The following BZW2 variants were observed in gnomAD, a reference collection of about 807,000 sequenced individuals.
The protein encoded by BZW2 is eIF5-mimic protein 1.
In BZW2, 23 loss-of-function variants were observed where a neutral mutation model predicts 53.2. The ratio of observed to expected loss-of-function variants is 0.43; its 90% CI spans 0.31 to 0.61. The LOEUF (loss-of-function observed/expected upper bound fraction) is 0.61. Among genes scored for constraint, BZW2 ranks in the 20% least tolerant of loss-of-function variants. BZW2 has a pLI of 0.09. For missense variants in BZW2, 409 were observed against 503.1 expected (o/e 0.81, Z 1.79); for synonymous variants, 227 against 186.4 (o/e 1.22, Z -1.77).
chr7:16,698,400 C>T, intron 10 of BZW2: 1 of 494,264 alleles, frequency 2.0e-6, no homozygotes, highest in Non-Finnish European at 3.5e-6. Context: ...TGCTTAGGCC[C>T]CTGGGCACTT....
In BZW2 at chr7:16,685,639, A is replaced by T. The variant is rs1235967524; in HGVS notation, c.406-266A>T. ...CCATCTGTTTACATATCATCCAAAT[A>T]TCTCTTTTCCTTTCCATGAATGTTA... On this transcript the variant is annotated intron_variant, in intron 5 of 11. Coordinates refer to ENST00000258761, the MANE Select transcript of BZW2 (RefSeq NM_014038.3). Among the ~76,000 whole-genome samples the T allele has an allele frequency of 2.0e-5, 3 of 152,186 alleles. 1 individual carries two copies. The South Asian group carries it at 6.2e-4, about 31-fold the overall frequency.
At chr7:16,698,402 TG>T (rs1783570693) in intron 10 of BZW2, 3 of 485,044 alleles carry the variant, frequency 6.2e-6, no homozygotes, top group Non-Finnish European at 7.3e-6. Flanking sequence ...CTTAGGCCCC[TG>T]GGCACTTCTC....
chr7:16,652,505 TTC>T lies in BZW2; in HGVS notation c.-8+6221_-8+6222del, dbSNP rs201915494. Among the ~76,000 whole-genome samples, 654 of 152,252 alleles carry T rather than the reference TTC, an allele frequency of 4.3e-3. 2 individuals are homozygous for T. The highest frequency in any genetic ancestry group is 0.014 in the Middle Eastern group (4 of 294). ...ATTTGGCAAACAAATAAATGAATGA[TTC>T]TCTGTAGGTTTAAACCTTTTTCTTT... On this transcript the variant is annotated intron_variant, in intron 1 of 11. Coordinates refer to ENST00000258761, the MANE Select transcript of BZW2 (RefSeq NM_014038.3).
At chr7:16,697,657 G>C (rs1255196583) in intron 9 of BZW2, among the ~76,000 whole-genome samples, 1 of 152,184 alleles carries the variant, frequency 6.6e-6, no homozygotes, top group Non-Finnish European at 1.5e-5. Flanking sequence ...TTTTATCCCA[G>C]CAGCTCATCA....
chr7:16,675,805 C>T (rs989385986), intron 3 of BZW2, among the ~76,000 whole-genome samples: 4 of 152,244 alleles, frequency 2.6e-5, no homozygotes, highest in South Asian at 2.1e-4. Context: ...AGCAGCCGGG[C>T]GTGGTGGCTC....
In BZW2 at chr7:16,682,806, T is replaced by A. The variant is rs924061103; in HGVS notation, c.366T>A (p.Tyr122Ter). Residue 122 changes from tyrosine (Y) to a stop codon, truncating the protein, a stop_gained, in exon 5 of 12, where the codon TAT becomes TAA. Coordinates refer to ENST00000258761, the MANE Select transcript of BZW2 (RefSeq NM_014038.3). LOFTEE classifies it high-confidence loss of function. Reference sequence around the variant, plus strand: ...TCTTCAATAAACTCATCAGGAGATATAAGTATTTGGAGAAGGCATTTGAAG... The same window carrying A: ...TCTTCAATAAACTCATCAGGAGATAAAAGTATTTGGAGAAGGCATTTGAAG... ...AQVFNKLIRRYKYLEKAFEDE... is the reference protein window; with the variant it reads ...AQVFNKLIRR 6 of 1,582,888 alleles carry A rather than the reference T, an allele frequency of 3.8e-6. No individual in the cohort carries two copies. Among genetic ancestry groups the A allele is most frequent in the Non-Finnish European group, 5.2e-6 (6 of 1,159,762 alleles).
At chr7:16,705,623 T>C (rs1783827597) in intron 11 of BZW2, among the ~76,000 whole-genome samples, 1 of 144,778 alleles carries the variant, frequency 6.9e-6, no homozygotes, top group Non-Finnish European at 1.5e-5. Flanking sequence ...AGGCGGAGGT[T>C]GCAGTGAGCC....
intron 3 of BZW2, among the ~76,000 whole-genome samples, chr7:16,678,405 A>G (rs540119340): frequency 6.6e-6 from 1 of 152,258 alleles, no homozygotes; most frequent in African/African-American, 2.4e-5. Flanking sequence ...TATAGTAAAT[A>G]CAATAAATGT....
At chr7:16,704,407 A>G in intron 10 of BZW2, 140 bp from the exon 11 acceptor site, 1 of 880,630 alleles carries the variant, frequency 1.1e-6, no homozygotes, top group South Asian at 2.9e-5. Context: ...CATGAAAATC[A>G]ACTTGGTTCC....
intron 11 of BZW2, among the ~76,000 whole-genome samples, chr7:16,705,562 G>A (rs1246771765): frequency 2.0e-5 from 3 of 151,060 alleles, no homozygotes; most frequent in Non-Finnish European, 4.4e-5. Flanking sequence ...GTGGGCACCT[G>A]TAGTCACAGC....
chr7:16,666,273 A>C (rs543303848), intron 2 of BZW2, among the ~76,000 whole-genome samples: 1 of 150,844 alleles, frequency 6.6e-6, no homozygotes, highest in South Asian at 2.1e-4. Context: ...TTTTAAAAAA[A>C]TTTTTTTGTA....
intron 9 of BZW2, among the ~76,000 whole-genome samples, chr7:16,697,802 G>A (rs1783546481): frequency 6.6e-6 from 1 of 152,108 alleles, no homozygotes. Context: ...TTGTATTATT[G>A]GACTGTGGCT....
chr7:16,695,158 A>G (rs1334970017), intron 8 of BZW2, among the ~76,000 whole-genome samples, 154 bp downstream of exon 8: 1 of 152,220 alleles, frequency 6.6e-6, no homozygotes. Flanking sequence ...CTCAGCTTCA[A>G]AGTATTGATT....
In BZW2 at chr7:16,696,904, A is replaced by C; in HGVS notation, c.823-11A>C. 3 of 1,613,772 alleles carry C rather than the reference A, an allele frequency of 1.9e-6. No individual in the cohort carries two copies. The highest frequency in any genetic ancestry group is 2.5e-6 in the Non-Finnish European group (3 of 1,179,824). On this transcript the variant is annotated splice_polypyrimidine_tract_variant and intron_variant, in intron 8 of 11. Transcript: ENST00000258761. ...CCTGTTACTTTCTGACCCCATTTCCATGTAATGTAGGTGGTGCTTTATGTC... is the reference window on the plus strand; with the variant it reads ...CCTGTTACTTTCTGACCCCATTTCCCTGTAATGTAGGTGGTGCTTTATGTC...
chr7:16,682,969 G>T, intron 5 of BZW2, 124 bp downstream of exon 5: 1 of 457,284 alleles, frequency 2.2e-6, no homozygotes, highest in Non-Finnish European at 3.6e-6. Flanking sequence ...AGGCCGAGAC[G>T]GGTGGGTCAC....
At chr7:16,654,207 G>A (rs1782063342) in intron 1 of BZW2, among the ~76,000 whole-genome samples, 1 of 151,556 alleles carries the variant, frequency 6.6e-6, no homozygotes, top group Admixed American at 6.6e-5. Context: ...TCCAGCCTGG[G>A]TGACAGAGTA....
intron 1 of BZW2, among the ~76,000 whole-genome samples, chr7:16,651,392 C>G (rs1288296730): frequency 1.3e-5 from 2 of 152,182 alleles, no homozygotes; most frequent in African/African-American, 2.4e-5. Context: ...GGATGATATT[C>G]TACTGTCATC....
intron 10 of BZW2, among the ~76,000 whole-genome samples, chr7:16,699,034 A>T (rs938805288): frequency 6.6e-6 from 1 of 152,212 alleles, no homozygotes; most frequent in African/African-American, 2.4e-5. Context: ...AAGGTTTTAG[A>T]TAAATAATAG....
At chr7:16,705,706 T>C (rs1384927804) in intron 11 of BZW2, among the ~76,000 whole-genome samples, 2 of 144,730 alleles carry the variant, frequency 1.4e-5, no homozygotes, top group East Asian at 4.0e-4. Context: ...AAAAAAAGAA[T>C]AAAAAGTTTA....
Sources: allele counts gnomAD v4.1 joint callset (sites outside exome capture counted in the v4.1 genomes callset), GRCh38; gene constraint gnomAD v4.1.1; transcripts MANE v1.5; gene names NCBI Gene and HGNC (gene_info 2026-07-23, HGNC 2026-07-21).